NEO1: variants seen among roughly 807,000 people sequenced by gnomAD.
NEO1 encodes neogenin 1.
A neutral mutation model predicts 159.7 loss-of-function variants in NEO1; 63 were observed. That is an observed-to-expected ratio of 0.39 (90% CI 0.32 to 0.49). The LOEUF (loss-of-function observed/expected upper bound fraction) is 0.49. Ranked by LOEUF, NEO1 falls within the 20% of genes least tolerant of loss-of-function variation. NEO1 has a pLI of 0.85. For missense variants in NEO1, 1,615 were observed against 1,831.0 expected, an observed-to-expected ratio of 0.88 and a Z score of 2.15; for synonymous variants, 633 against 662.0, an observed-to-expected ratio of 0.96 and a Z score of 0.67.
At chr15:73,242,802 T>C (rs940292878) in intron 8 of NEO1, among the ~76,000 whole-genome samples, 2 of 152,138 alleles carry the variant, frequency 1.3e-5, no homozygotes, top group African/African-American at 4.8e-5. Context: ...GGGTTGGTCT[T>C]ATTGTCTCAG....
At chr15:73,240,450 C>G (rs1342273432) in intron 8 of NEO1, among the ~76,000 whole-genome samples, 4 of 152,200 alleles carry the variant, frequency 2.6e-5, no homozygotes, top group Non-Finnish European at 5.9e-5. Flanking sequence ...GGCAAGAAAG[C>G]TGGCCAAACT....
intron 14 of NEO1, chr15:73,259,118 G>C (rs2040500005): frequency 5.9e-6 from 2 of 337,384 alleles, no homozygotes; most frequent in African/African-American, 4.2e-5. Flanking sequence ...GCTATAAGTT[G>C]GATTTTTTTT....
intron 1 of NEO1, among the ~76,000 whole-genome samples, chr15:73,085,998 G>A (rs1305353209): frequency 6.6e-6 from 1 of 152,062 alleles, no homozygotes; most frequent in Non-Finnish European, 1.5e-5. Flanking sequence ...TTAGTGTTAT[G>A]TCTAAGAACT....
At chr15:73,084,779 TTTTG>T (rs970964696) in intron 1 of NEO1, among the ~76,000 whole-genome samples, 22 of 147,118 alleles carry the variant, frequency 1.5e-4, no homozygotes, top group African/African-American at 5.5e-4. Flanking sequence ...ACCTTTTTCT[TTTTG>T]TGTGTGTGTG....
chr15:73,160,207 C>G (rs1289451235), intron 5 of NEO1, among the ~76,000 whole-genome samples: 1 of 152,112 alleles, frequency 6.6e-6, no homozygotes, highest in Non-Finnish European at 1.5e-5. Flanking sequence ...AAACACCAAA[C>G]TGTTGTTTTT....
chr15:73,270,174 G>A lies in NEO1; in HGVS notation c.2659G>A (p.Asp887Asn). 6.2e-7 allele frequency: 1 copy of A among 1,613,942 alleles called. No individual in the cohort carries two copies. Among genetic ancestry groups the A allele is most frequent in the Non-Finnish European group, 8.5e-7 (1 of 1,179,964 alleles). Reference sequence around the variant, plus strand: ...GCTGCCCAAGCACCAGAAGATTACAGACTCCCGATACTACACCGTCCGATG... The same window carrying A: ...GCTGCCCAAGCACCAGAAGATTACAAACTCCCGATACTACACCGTCCGATG... ...NSLPKHQKIT[D>N]SRYYTVRWKT... Residue 887 changes from aspartate to asparagine, a missense_variant, in exon 17 of 29, where the codon GAC becomes AAC. Asp to Asn is a conservative substitution (Grantham distance 23). This residue lies in a region of NEO1 where 1,018 missense variants were observed against 1,115.4 expected (regional missense o/e 0.91). Transcript: ENST00000261908.
chr15:73,245,472 CGAAAT>C (rs1308360883), intron 9 of NEO1, among the ~76,000 whole-genome samples: 2 of 152,010 alleles, frequency 1.3e-5, no homozygotes, highest in Non-Finnish European at 2.9e-5. Context: ...ACTATAGGAC[CGAAAT>C]TACAAGCAGC....
chr15:73,075,499 T>G (rs1442408510), intron 1 of NEO1, among the ~76,000 whole-genome samples: 3 of 152,122 alleles, frequency 2.0e-5, no homozygotes, highest in Non-Finnish European at 2.9e-5. Flanking sequence ...ATGCTAATGA[T>G]CCATCACGAG....
intron 1 of NEO1, among the ~76,000 whole-genome samples, chr15:73,103,171 A>G (rs1175341517): frequency 2.0e-5 from 3 of 152,076 alleles, no homozygotes; most frequent in African/African-American, 7.2e-5. Flanking sequence ...TGGTTTCCCT[A>G]TCTCCAATCT....
chr15:73,199,369 CT>C (rs1035972613), intron 7 of NEO1, among the ~76,000 whole-genome samples: 1 of 151,626 alleles, frequency 6.6e-6, no homozygotes, highest in Non-Finnish European at 1.5e-5. Context: ...CATAAAGTTA[CT>C]TTTTTTTATC....
At chr15:73,087,715 C>T (rs569399241) in intron 1 of NEO1, among the ~76,000 whole-genome samples, 1 of 152,094 alleles carries the variant, frequency 6.6e-6, no homozygotes, top group Non-Finnish European at 1.5e-5. Context: ...TCATGTCTCA[C>T]AATTCAGATG....
intron 1 of NEO1, among the ~76,000 whole-genome samples, chr15:73,068,670 A>G (rs1372079711): frequency 6.6e-6 from 1 of 151,918 alleles, no homozygotes; most frequent in East Asian, 1.9e-4. Context: ...GTTTTTATTT[A>G]TTAATTTTTT....
intron 1 of NEO1, among the ~76,000 whole-genome samples, chr15:73,070,875 G>A (rs1433853616): frequency 6.6e-6 from 1 of 152,218 alleles, no homozygotes; most frequent in Non-Finnish European, 1.5e-5. Flanking sequence ...CAAAACTGTG[G>A]ATAAGGAGGG....
intron 1 of NEO1, among the ~76,000 whole-genome samples, chr15:73,060,711 G>A: frequency 6.6e-6 from 1 of 151,822 alleles, no homozygotes; most frequent in East Asian, 1.9e-4. Flanking sequence ...GCAGTGGCAT[G>A]ATCACAGCTT....
chr15:73,129,208 G>A (rs1359068424), intron 4 of NEO1, among the ~76,000 whole-genome samples: 3 of 152,196 alleles, frequency 2.0e-5, no homozygotes, highest in Admixed American at 2.0e-4. Context: ...GAAAATATAA[G>A]TGAATGGAGC....
At chr15:73,236,313 A>G (rs1184905774) in intron 7 of NEO1, 34 bp from the exon 8 acceptor site, 1 of 1,613,760 alleles carries the variant, frequency 6.2e-7, no homozygotes, top group Non-Finnish European at 8.5e-7. Context: ...ATTACCTCCC[A>G]CTTCACTGAC....
intron 7 of NEO1, among the ~76,000 whole-genome samples, chr15:73,193,452 T>C (rs2152023550): frequency 6.6e-6 from 1 of 151,934 alleles, no homozygotes; most frequent in Admixed American, 6.6e-5. Context: ...CTTTAGCAAG[T>C]TTAATGTTTT....
rs146307907 is a variant in NEO1 at position 73,258,774 on chromosome 15, C to T, written c.2101C>T (p.Arg701Trp). ...QLSQLIEGLD[R>W]GTEYNFRVAA... is the part of the protein sequence containing the mutation. Reference sequence around the variant, plus strand: ...TTGTCATTTGGTCTCAGGTCTTGATCGGGGGACTGAGTATAATTTCCGAGT... The same window carrying T: ...TTGTCATTTGGTCTCAGGTCTTGATTGGGGGACTGAGTATAATTTCCGAGT... Residue 701 changes from arginine to tryptophan, a missense_variant, in exon 14 of 29, where the codon CGG becomes TGG. Physicochemically the swap from Arg to Trp is moderately radical, Grantham distance 101. Around this residue, in one of 3 missense-constraint regions of NEO1, gnomAD observed 1,018 missense variants for 1,115.4 expected, o/e 0.91. Coordinates refer to ENST00000261908, the MANE Select transcript of NEO1 (RefSeq NM_002499.4). 9 of 1,613,414 alleles carry T rather than the reference C, an allele frequency of 5.6e-6. No individual in the cohort carries two copies. The East Asian group carries it at 1.1e-4, about 20-fold the overall frequency.
chr15:73,269,215 G>C (rs2041055839), intron 16 of NEO1, among the ~76,000 whole-genome samples: 1 of 152,308 alleles, frequency 6.6e-6, no homozygotes, highest in East Asian at 1.9e-4. Context: ...ACCCTTACAT[G>C]AATAGTGATA....
Sources: allele counts gnomAD v4.1 joint callset (sites outside exome capture counted in the v4.1 genomes callset), GRCh38; gene constraint gnomAD v4.1.1; regional missense constraint gnomAD v4.1.1; transcripts MANE v1.5; gene names NCBI Gene and HGNC (gene_info 2026-07-23, HGNC 2026-07-21).